Variants in FGFR1 observed in about 807,000 individuals in gnomAD.
FGFR1 encodes the protein FGFR1/PLAG1 fusion.
A neutral mutation model predicts 93.7 loss-of-function variants in FGFR1; 18 were observed. The ratio of observed to expected loss-of-function variants is 0.19; its 90% CI spans 0.13 to 0.28. The LOEUF is 0.28. FGFR1 is among the 10% of genes least tolerant of loss of function. FGFR1 has a pLI of 1.00. For synonymous variants in FGFR1, 448 were observed against 429.3 expected (o/e 1.04, Z -0.54); for missense variants, 731 against 1,080.4 (o/e 0.68, Z 4.53).
intron 2 of FGFR1, chr8:38,435,486 T>C (rs1348601975): frequency 6.6e-6 from 1 of 152,252 alleles, no homozygotes; most frequent in Non-Finnish European, 1.5e-5. Context: ...GCTTGTATGC[T>C]TTCTGGGCCC....
intron 2 of FGFR1, among the ~76,000 whole-genome samples, chr8:38,444,391 T>TG (rs142215332): frequency 0.2 from 30,579 of 150,864 alleles, 3,149 homozygotes; most frequent in Non-Finnish European, 0.21. Context: ...GTTCGGGTTT[T>TG]TTTTTTTTTT....
At position 38,413,142 on chromosome 8, in the gene FGFR1, C is replaced by T. The variant is rs1199335158; in HGVS notation, c.*486G>A. 1 of 241,794 alleles carries T rather than the reference C, an allele frequency of 4.1e-6. No homozygotes were observed. Among genetic ancestry groups the T allele is most frequent in the Non-Finnish European group, 8.1e-6 (1 of 123,288 alleles). 15.0% of individuals were successfully genotyped at this position (241,794 alleles called of 1,614,324 possible). On this transcript the variant is annotated 3_prime_UTR_variant, in exon 18 of 18. Transcript: ENST00000447712. The surrounding 1 kb of genome is among the most constrained non-coding windows in gnomAD (Gnocchi z 4.2). ...CGGAATTAATAAGCCACTGGCACCA[C>T]CTATCTGGGGCAGAGGTCACCTTCA...
In FGFR1 at chr8:38,413,813, G is replaced by A. The variant is rs2150512916; in HGVS notation, c.2293-9C>T. 6.2e-7 allele frequency: 1 copy of A among 1,614,018 alleles called. No individual in the cohort carries two copies. The highest frequency in any genetic ancestry group is 8.5e-7 in the Non-Finnish European group (1 of 1,179,946). ...GACAGGTCCAGGTACTCCTGTGATG[G>A]GCGAGAGGAAGCAGCGATGGGCCGG... On this transcript the variant is annotated splice_polypyrimidine_tract_variant and intron_variant, in intron 17 of 17. Coordinates refer to ENST00000447712, the MANE Select transcript of FGFR1 (RefSeq NM_023110.3). The surrounding 1 kb of genome is among the most constrained non-coding windows in gnomAD (Gnocchi z 4.2).
intron 1 of FGFR1, among the ~76,000 whole-genome samples, chr8:38,459,329 T>G (rs1158238589): frequency 6.6e-6 from 1 of 152,170 alleles, no homozygotes. Context: ...AGTGAGTCAG[T>G]GCTGGCTGGC....
At chr8:38,425,972 G>C in intron 6 of FGFR1, 150 bp downstream of exon 6, 2 of 973,232 alleles carry the variant, frequency 2.1e-6, no homozygotes, top group Admixed American at 3.4e-5. Context: ...AGGCTCAAAA[G>C]GGAGAAGTGA....
chr8:38,461,129 A>G (rs1834299775), intron 1 of FGFR1: 1 of 1,536,044 alleles, frequency 6.5e-7, no homozygotes, highest in East Asian at 2.4e-5. Flanking sequence ...TGAAGACTGA[A>G]TGGGCTGCAT....
chr8:38,432,375 T>C (rs1823462347), intron 2 of FGFR1, among the ~76,000 whole-genome samples: 1 of 152,074 alleles, frequency 6.6e-6, no homozygotes, highest in African/African-American at 2.4e-5. Context: ...AGGTATGCTC[T>C]GTCCTATCCC....
chr8:38,438,827 C>A (rs1267841931), intron 2 of FGFR1, among the ~76,000 whole-genome samples: 2 of 152,192 alleles, frequency 1.3e-5, no homozygotes, highest in Non-Finnish European at 2.9e-5. Context: ...CTGCATCCTA[C>A]CTCCTCCCGT....
Position 38,424,782 on chromosome 8 carries a change from G to T in FGFR1, c.746-83C>A. On this transcript the variant is annotated intron_variant, in intron 6 of 17. Transcript: ENST00000447712. The surrounding 1 kb of genome is among the most constrained non-coding windows in gnomAD (Gnocchi z 4.3). Reference sequence around the variant, plus strand: ...GGTGGGCTCACCTGCGCCCCACTTGGCTTTCCCAGTGATGGGTTGTAAACC... The same window carrying T: ...GGTGGGCTCACCTGCGCCCCACTTGTCTTTCCCAGTGATGGGTTGTAAACC... The T allele has an allele frequency of 6.9e-7, 1 of 1,447,496 alleles. No homozygotes were observed. The highest frequency in any genetic ancestry group is 9.5e-7 in the Non-Finnish European group (1 of 1,055,260). 89.7% of individuals were successfully genotyped at this position (1,447,496 alleles called of 1,614,324 possible). A position where few individuals can be genotyped will look rare whatever the true frequency, so the allele number is the denominator to read the frequency against.
At chr8:38,416,512 A>G (rs1205486834) in intron 12 of FGFR1, among the ~76,000 whole-genome samples, 1 of 139,088 alleles carries the variant, frequency 7.2e-6, no homozygotes, top group Non-Finnish European at 1.5e-5. Flanking sequence ...CTGGAGTGCA[A>G]TGGCGCGATC....
chr8:38,446,349 T>C (rs2151191129), intron 2 of FGFR1, among the ~76,000 whole-genome samples: 1 of 152,190 alleles, frequency 6.6e-6, no homozygotes, highest in African/African-American at 2.4e-5. Flanking sequence ...TACTTGGGAT[T>C]ACAGGCGCCC....
chr8:38,439,778 C>T (rs1490318733), intron 2 of FGFR1, among the ~76,000 whole-genome samples: 1 of 152,194 alleles, frequency 6.6e-6, no homozygotes. Flanking sequence ...AAAACTCACT[C>T]TTCTGAGACT....
chr8:38,457,390 G>A lies in FGFR1; in HGVS notation c.57C>T (p.Cys19=), dbSNP rs2151343740. The change falls in exon 2 of 18, where the codon TGC becomes TGT. Residue 19 remains cysteine (C), a synonymous_variant. Coordinates refer to ENST00000447712, the MANE Select transcript of FGFR1 (RefSeq NM_023110.3). ...FWAVLVTATL[C]TARPSPTLPE... ...GCAAGGTCGGGGACGGCCTAGCGGT[G>A]CAGAGTGTGGCTGTGACCAGCACAG... 6.2e-7 allele frequency: 1 copy of A among 1,613,896 alleles called. No homozygotes were observed. The highest frequency in any genetic ancestry group is 8.5e-7 in the Non-Finnish European group (1 of 1,180,038).
rs4647903 is a variant in FGFR1, at chr8:38,415,064, C to A, written c.1855-163G>T. Among the ~76,000 whole-genome samples, 29,416 of 152,160 alleles carry A rather than the reference C, an allele frequency of 0.19. 3,084 individuals carry two copies. Among genetic ancestry groups the A allele is most frequent in the East Asian group, 0.31 (1,579 of 5,162 alleles). ...TCCCTCTTCTAACATTCTCTGCCAG[C>A]TCCAGGCTTCTCATCACAGCAAGCG... On this transcript the variant is annotated intron_variant, in intron 13 of 17. Transcript: ENST00000447712.
Position 38,417,390 on chromosome 8 carries a change from C to T in FGFR1, c.1579G>A (p.Asp527Asn). The change falls in exon 12 of 18, where the codon GAC becomes AAC. Residue 527 changes from aspartate (D) to asparagine (N), a missense_variant. Transcript: ENST00000447712. ...ATCATCTCCATTTCTGAGATCAGGTCTGACAAGTCTTTCTCTGTTGCGTCC... is the reference window on the plus strand; with the variant it reads ...ATCATCTCCATTTCTGAGATCAGGTTTGACAAGTCTTTCTCTGTTGCGTCC... ...KSDATEKDLS[D>N]LISEMEMMKM... 3 of 1,614,036 alleles carry T rather than the reference C, an allele frequency of 1.9e-6. No homozygotes were observed. Among genetic ancestry groups the T allele is most frequent in the Non-Finnish European group, 2.5e-6 (3 of 1,180,020 alleles).
intron 7 of FGFR1, among the ~76,000 whole-genome samples, chr8:38,422,581 T>C (rs1336879209): frequency 6.6e-6 from 1 of 152,156 alleles, no homozygotes; most frequent in African/African-American, 2.4e-5. Context: ...TTTATTTAAT[T>C]TGTAGAGATG....
chr8:38,416,211 C>T, intron 12 of FGFR1, 151 bp from the exon 13 acceptor site: 1 of 679,104 alleles, frequency 1.5e-6, no homozygotes, highest in Non-Finnish European at 2.6e-6. Context: ...TTCTACTACC[C>T]AAAAAAAATC....
chr8:38,431,025 C>A (rs1281704774), intron 2 of FGFR1, among the ~76,000 whole-genome samples: 3 of 152,188 alleles, frequency 2.0e-5, no homozygotes, highest in Non-Finnish European at 4.4e-5. Flanking sequence ...GTACTCCTGG[C>A]ATCTTCCACC....
intron 2 of FGFR1, among the ~76,000 whole-genome samples, chr8:38,433,587 T>A (rs1384523921): frequency 6.6e-6 from 1 of 152,226 alleles, no homozygotes; most frequent in Non-Finnish European, 1.5e-5. Flanking sequence ...AGTTAGCAAG[T>A]GCTGGGATTA....
Sources: gnomAD v4.1 joint callset for allele counts (sites outside exome capture counted in the v4.1 genomes callset) on GRCh38, gnomAD v4.1.1 for gene constraint, Gnocchi (gnomAD v3.1) non-coding constraint, MANE v1.5 for transcripts, NCBI Gene and HGNC (gene_info 2026-07-23, HGNC 2026-07-21) for gene names.